Variants in FSHR observed in about 807,000 individuals in gnomAD.
FSHR encodes the protein follicle stimulating hormone receptor, also known as follicle-stimulating hormone receptor.
A neutral mutation model predicts 52.1 loss-of-function variants in FSHR; 46 were observed. The observed-to-expected ratio is 0.88, with a 90% CI of 0.70 to 1.13. FSHR has a LOEUF of 1.13. FSHR is among the 50% of genes most tolerant of loss of function. The pLI is 0.00. For missense variants in FSHR, 964 were observed against 834.6 expected, an observed-to-expected ratio of 1.16 and a Z score of -1.91; for synonymous variants, 399 against 309.6, an observed-to-expected ratio of 1.29 and a Z score of -3.03.
At position 48,965,165 on chromosome 2, in the gene FSHR, G is replaced by A. The variant is rs1674418210; in HGVS notation, c.855-1199C>T. Among the ~76,000 whole-genome samples, 3 of 152,108 alleles carry A rather than the reference G, an allele frequency of 2.0e-5. No homozygotes were observed. The South Asian group carries it at 6.2e-4, about 32-fold the overall frequency. On this transcript the variant is annotated intron_variant, in intron 9 of 9. Transcript: ENST00000406846. ...CTTAAGAAGGAAAAAGGTGGCTAGG[G>A]GAGTGGAGGAGGTAAAGACTCCATT... is the stretch of plus-strand genomic sequence containing the variant.
intron 2 of FSHR, among the ~76,000 whole-genome samples, chr2:49,057,782 A>G (rs962806467): frequency 1.3e-5 from 2 of 152,194 alleles, no homozygotes; most frequent in Non-Finnish European, 2.9e-5. Context: ...ATAAAATACT[A>G]GCAATCCAAA....
At chr2:49,065,902 T>A (rs963823413) in intron 2 of FSHR, among the ~76,000 whole-genome samples, 1 of 151,904 alleles carries the variant, frequency 6.6e-6, no homozygotes, top group African/African-American at 2.4e-5. Context: ...AGAAGTTAAG[T>A]GGGGAAAGGG....
intron 1 of FSHR, among the ~76,000 whole-genome samples, chr2:49,115,907 G>T (rs895164453): frequency 6.6e-6 from 1 of 152,136 alleles, no homozygotes; most frequent in East Asian, 1.9e-4. Flanking sequence ...TGAAGGGTGG[G>T]TTATTGAAAC....
chr2:49,017,376 C>G (rs1442228760), intron 4 of FSHR, 113 bp downstream of exon 4: 1 of 789,136 alleles, frequency 1.3e-6, no homozygotes, highest in African/African-American at 1.8e-5. Context: ...CTGCCCCCCA[C>G]CACCATCCTT....
In FSHR at chr2:49,073,722, G is replaced by A. The variant is rs115519985; in HGVS notation, c.153-5432C>T. Among the ~76,000 whole-genome samples the A allele has an allele frequency of 4.1e-3, 618 of 152,082 alleles. 8 individuals carry two copies. Among genetic ancestry groups the A allele is most frequent in the African/African-American group, 0.014 (570 of 41,524 alleles). ...ATTTTGTGGAACCACAAAAGATACT[G>A]AATAACCAAAGCATTCTAAGCAAAA... On this transcript the variant is annotated intron_variant, in intron 1 of 9. Transcript: ENST00000406846.
At position 49,020,091 on chromosome 2, in the gene FSHR, A is replaced by G; in HGVS notation, c.294T>C (p.His98=). ...CCCCCAATCTTCTTGCTTACATTTC[A>G]TGTAATTTGGGAAGGTTGGAGAACA... ...ADVFSNLPKL[H]EIRIEKANNL... Residue 98 remains histidine (H), a synonymous_variant, in exon 3 of 10, where the codon CAT becomes CAC. Transcript: ENST00000406846. The G allele has an allele frequency of 1.2e-6, 2 of 1,613,274 alleles. No individual in the cohort carries two copies. The highest frequency in any genetic ancestry group is 1.7e-6 in the Non-Finnish European group (2 of 1,179,254).
intron 4 of FSHR, among the ~76,000 whole-genome samples, chr2:49,009,574 G>A (rs1350365670): frequency 4.2e-5 from 6 of 143,438 alleles, no homozygotes; most frequent in African/African-American, 1.5e-4. Context: ...AAAGGCATTG[G>A]TAGCTTGATG....
intron 2 of FSHR, among the ~76,000 whole-genome samples, chr2:49,040,291 T>C (rs1410834456): frequency 3.1e-5 from 4 of 128,718 alleles, no homozygotes; most frequent in Non-Finnish European, 6.5e-5. Flanking sequence ...TTCTGTCTTG[T>C]AGACTGTGTA....
At chr2:48,968,498 G>A (rs1674579865) in intron 9 of FSHR, among the ~76,000 whole-genome samples, 200 bp downstream of exon 9, 1 of 152,238 alleles carries the variant, frequency 6.6e-6, no homozygotes, top group Admixed American at 6.5e-5. Context: ...CCTCTCCTGT[G>A]AGCCCACTTT....
At chr2:49,015,018 A>T (rs903627076) in intron 4 of FSHR, 10 of 398,084 alleles carry the variant, frequency 2.5e-5, no homozygotes, top group African/African-American at 2.1e-4. Context: ...ACAGGCACTA[A>T]TAATTTTATA....
At position 48,963,064 on chromosome 2, in the gene FSHR, G is replaced by A. The variant is rs1224378289; in HGVS notation, c.1757C>T (p.Ala586Val). Residue 586 changes from alanine (A) to valine (V), a missense_variant, in exon 10 of 10, where the codon GCA becomes GTA. By Grantham distance (64) the Ala-to-Val change is moderately conservative (BLOSUM62 0). Transcript: ENST00000406846. ...AGAAATGGCAAAGAAAGAAATGGGT[G>A]CCATGCAGAGGAAGTCAGTGAAGAT... is the stretch of plus-strand genomic sequence containing the variant. The part of the protein sequence containing the change: ...MLIFTDFLCM[A>V]PISFFAISAS... 3 of 1,614,002 alleles carry A rather than the reference G, an allele frequency of 1.9e-6. No homozygotes were observed. In the Admixed American group the frequency reaches 5.0e-5, roughly 27 times the overall value.
At chr2:49,000,404 A>T (rs1032643874) in intron 4 of FSHR, among the ~76,000 whole-genome samples, 6 of 152,142 alleles carry the variant, frequency 3.9e-5, no homozygotes, top group African/African-American at 1.4e-4. Context: ...TAAGTTTGTG[A>T]TGGGCTACTG....
chr2:48,975,954 C>A (rs1047634049), intron 8 of FSHR, among the ~76,000 whole-genome samples: 7 of 152,160 alleles, frequency 4.6e-5, no homozygotes, highest in African/African-American at 1.7e-4. Flanking sequence ...GACTTCCTCT[C>A]TTCCTATTTG....
intron 9 of FSHR, among the ~76,000 whole-genome samples, chr2:48,967,715 TG>T (rs1273376497): frequency 6.6e-6 from 1 of 152,128 alleles, no homozygotes; most frequent in Non-Finnish European, 1.5e-5. Flanking sequence ...CATTTTAGGG[TG>T]GGTACTGTTT....
At chr2:49,018,269 C>T (rs3788982) in intron 3 of FSHR, among the ~76,000 whole-genome samples, 20,969 of 152,102 alleles carry the variant, frequency 0.14, 1,452 homozygotes, top group South Asian at 0.19. Flanking sequence ...TGTGCTGTGT[C>T]TTGATCAACA....
At chr2:49,069,544 T>C (rs1290247685) in intron 1 of FSHR, among the ~76,000 whole-genome samples, 2 of 152,274 alleles carry the variant, frequency 1.3e-5, no homozygotes, top group African/African-American at 4.8e-5. Context: ...TCCTCCTAAC[T>C]AGAATTCAAG....
chr2:48,986,995 A>G (rs1319667672), intron 6 of FSHR, among the ~76,000 whole-genome samples: 4 of 152,182 alleles, frequency 2.6e-5, no homozygotes, highest in African/African-American at 9.7e-5. Flanking sequence ...ATTTAAGTCT[A>G]TTTAAAATGA....
intron 1 of FSHR, 89 bp downstream of exon 1, chr2:49,154,177 A>G (rs550497965): frequency 4.3e-6 from 6 of 1,381,596 alleles, no homozygotes; most frequent in East Asian, 4.7e-5. Context: ...ATTTCAGTCT[A>G]ACAGATATCA....
chr2:49,030,751 A>G (rs1668073181), intron 2 of FSHR, among the ~76,000 whole-genome samples: 1 of 152,042 alleles, frequency 6.6e-6, no homozygotes, highest in Admixed American at 6.5e-5. Context: ...CTGACTCCAT[A>G]TTTAACTGGT....
Sources: gnomAD v4.1 joint callset for allele counts (sites outside exome capture counted in the v4.1 genomes callset) on GRCh38, gnomAD v4.1.1 for gene constraint, MANE v1.5 for transcripts, NCBI Gene and HGNC (gene_info 2026-07-23, HGNC 2026-07-21) for gene names.